Variants in CYTH1 observed in about 807,000 individuals in gnomAD.
The protein encoded by CYTH1 is cytohesin-1.
In CYTH1, 18 loss-of-function variants were observed where a neutral mutation model predicts 61.8. The ratio of observed to expected loss-of-function variants is 0.29; its 90% CI spans 0.20 to 0.43. CYTH1 has a LOEUF of 0.43. Among genes scored for constraint, CYTH1 ranks in the 20% least tolerant of loss-of-function variants. CYTH1 has a pLI of 1.00. For missense variants in CYTH1, 336 were observed against 510.5 expected (o/e 0.66, Z 3.29); for synonymous variants, 174 against 184.3 (o/e 0.94, Z 0.45).
chr17:78,768,687 C>T lies in CYTH1; in HGVS notation c.22+13515G>A, dbSNP rs146620255. Among the ~76,000 whole-genome samples the T allele has an allele frequency of 4.4e-3, 669 of 152,128 alleles. 1 individual carries two copies. Among genetic ancestry groups the T allele is most frequent in the Non-Finnish European group, 6.9e-3 (468 of 67,994 alleles). ...ACAGCCTGAATTCAAGCCCTCATCA[C>T]CTAGCTCACCTATCTCCAAAAATTC... On this transcript the variant is annotated intron_variant, in intron 1 of 13. Coordinates refer to ENST00000446868, the MANE Select transcript of CYTH1 (RefSeq NM_004762.6).
At chr17:78,777,689 C>A (rs2093498205) in intron 1 of CYTH1, among the ~76,000 whole-genome samples, 1 of 151,652 alleles carries the variant, frequency 6.6e-6, no homozygotes, top group Non-Finnish European at 1.5e-5. Context: ...GCATTTCCCT[C>A]CAGAAAGAAT....
In CYTH1 at chr17:78,700,034, T is replaced by C. The variant is rs922996982; in HGVS notation, c.550+297A>G. Reference sequence around the variant, plus strand: ...TCAAACTCCTAGCCTCAAGCAATCCTCTCACCTCGGCCTCCCACCCAAGGT... The same window carrying C: ...TCAAACTCCTAGCCTCAAGCAATCCCCTCACCTCGGCCTCCCACCCAAGGT... On this transcript the variant is annotated intron_variant, in intron 7 of 13. Coordinates refer to ENST00000446868, the MANE Select transcript of CYTH1 (RefSeq NM_004762.6). The surrounding 1 kb of genome is among the most constrained non-coding windows in gnomAD (Gnocchi z 5.1). Among the ~76,000 whole-genome samples the C allele has an allele frequency of 3.3e-5, 5 of 152,100 alleles. No individual in the cohort carries two copies. Among genetic ancestry groups the C allele is most frequent in the Admixed American group, 1.3e-4 (2 of 15,270 alleles).
chr17:78,692,047 C>A, intron 11 of CYTH1: 1 of 179,814 alleles, frequency 5.6e-6, no homozygotes, highest in Non-Finnish European at 1.2e-5. Flanking sequence ...ACGATTATTT[C>A]CTTTTTCTTT....
intron 1 of CYTH1, among the ~76,000 whole-genome samples, chr17:78,757,459 AG>A (rs887729758): frequency 1.0e-4 from 15 of 150,708 alleles, no homozygotes; most frequent in African/African-American, 3.7e-4. Flanking sequence ...AGCTCATTAT[AG>A]GTGTTCAATA....
chr17:78,761,939 T>C (rs566670865), intron 1 of CYTH1, among the ~76,000 whole-genome samples: 1 of 152,226 alleles, frequency 6.6e-6, no homozygotes, highest in South Asian at 2.1e-4. Context: ...TTAAACCAAA[T>C]GAGCCTTTAA....
chr17:78,695,006 C>A (rs79243972), intron 10 of CYTH1, among the ~76,000 whole-genome samples: 1 of 152,084 alleles, frequency 6.6e-6, no homozygotes, highest in African/African-American at 2.4e-5. Flanking sequence ...CCTCCTGTGA[C>A]CTCCCCGAGA....
chr17:78,697,325 CAAA>C (rs5822262), intron 9 of CYTH1, among the ~76,000 whole-genome samples: 149 of 95,294 alleles, frequency 1.6e-3, no homozygotes, highest in Non-Finnish European at 2.3e-3. Flanking sequence ...TGCTAGTGTC[CAAA>C]AAAAAAAAAA....
chr17:78,751,763 G>A (rs1487338350), intron 1 of CYTH1, among the ~76,000 whole-genome samples: 4 of 152,216 alleles, frequency 2.6e-5, no homozygotes, highest in Admixed American at 2.6e-4. Context: ...TCAGAGTACA[G>A]GTATCTCTCT....
At chr17:78,767,417 G>A (rs904752450) in intron 1 of CYTH1, among the ~76,000 whole-genome samples, 4 of 152,076 alleles carry the variant, frequency 2.6e-5, no homozygotes, top group Admixed American at 1.3e-4. Context: ...AAATTTCCAC[G>A]TGAACCGCCC....
At chr17:78,701,858 C>A in intron 5 of CYTH1, 107 bp from the exon 6 acceptor site, 1 of 1,137,338 alleles carries the variant, frequency 8.8e-7, no homozygotes, top group South Asian at 1.3e-5. Context: ...GGTCCTGTGG[C>A]TCCTGCCCAG....
At position 78,717,024 on chromosome 17, in the gene CYTH1, C is replaced by T. The variant is rs2093186571; in HGVS notation, c.23-7292G>A. On this transcript the variant is annotated intron_variant, in intron 1 of 13. Transcript: ENST00000446868. The surrounding 1 kb of genome is among the most constrained non-coding windows in gnomAD (Gnocchi z 4.4). ...CTCCTGTGTAGCCATTAGGGTTAAACTGCAAAAGAACGGCTCAGATGGGCC... is the reference window on the plus strand; with the variant it reads ...CTCCTGTGTAGCCATTAGGGTTAAATTGCAAAAGAACGGCTCAGATGGGCC... The T allele has an allele frequency of 6.6e-6, 1 of 152,288 alleles. No individual in the cohort carries two copies. 9.4% of individuals were successfully genotyped at this position (152,288 alleles called of 1,614,324 possible).
intron 1 of CYTH1, among the ~76,000 whole-genome samples, chr17:78,731,350 G>A: frequency 6.6e-6 from 1 of 152,122 alleles, no homozygotes; most frequent in East Asian, 1.9e-4. Flanking sequence ...CTCTGTCCCA[G>A]GTAATTACTT....
intron 1 of CYTH1, among the ~76,000 whole-genome samples, chr17:78,754,798 T>C (rs995711982): frequency 2.0e-5 from 3 of 152,198 alleles, no homozygotes; most frequent in Admixed American, 6.5e-5. Flanking sequence ...TTGCATATTA[T>C]ACTTATGTTA....
intron 1 of CYTH1, among the ~76,000 whole-genome samples, chr17:78,728,672 G>A (rs2093278554): frequency 1.3e-5 from 2 of 152,182 alleles, no homozygotes; most frequent in South Asian, 4.1e-4. Context: ...AAGGGAGAAA[G>A]GGTAACGTGA....
intron 1 of CYTH1, among the ~76,000 whole-genome samples, chr17:78,780,645 A>G (rs2093513134): frequency 6.6e-6 from 1 of 152,138 alleles, no homozygotes; most frequent in African/African-American, 2.4e-5. Flanking sequence ...CAGAGGTGGG[A>G]GGACTGCTTG....
intron 1 of CYTH1, among the ~76,000 whole-genome samples, chr17:78,730,989 T>G (rs2093291317): frequency 6.6e-6 from 1 of 152,118 alleles, no homozygotes; most frequent in African/African-American, 2.4e-5. Context: ...AAGGAAGAAG[T>G]GAATGTGCTA....
chr17:78,703,949 G>A (rs1021617721), intron 3 of CYTH1, among the ~76,000 whole-genome samples: 2 of 152,268 alleles, frequency 1.3e-5, no homozygotes, highest in African/African-American at 4.8e-5. Context: ...AGATACCCAG[G>A]GGTGGACACT....
chr17:78,677,223 T>A, intron 13 of CYTH1: 4 of 388,144 alleles, frequency 1.0e-5, no homozygotes, highest in South Asian at 7.6e-5. Context: ...TGCTTTCATG[T>A]TTGGAGGTGT....
chr17:78,699,830 G>T (rs569405358), intron 7 of CYTH1, among the ~76,000 whole-genome samples: 13 of 152,246 alleles, frequency 8.5e-5, no homozygotes, highest in African/African-American at 2.9e-4. Flanking sequence ...TGTCACCCAG[G>T]CTTGGAGTGC....
Sources: gnomAD v4.1 joint callset for allele counts (sites outside exome capture counted in the v4.1 genomes callset) on GRCh38, gnomAD v4.1.1 for gene constraint, Gnocchi (gnomAD v3.1) non-coding constraint, MANE v1.5 for transcripts, NCBI Gene and HGNC (gene_info 2026-07-23, HGNC 2026-07-21) for gene names.